COBL: variants seen among roughly 807,000 people sequenced by gnomAD.
COBL encodes cordon-bleu WH2 repeat protein, also known as protein cordon-bleu.
In COBL, 51 loss-of-function variants were observed where a neutral mutation model predicts 98.8. The ratio of observed to expected loss-of-function variants is 0.52; its 90% CI spans 0.41 to 0.65. The LOEUF (loss-of-function observed/expected upper bound fraction) is 0.65. Among genes scored for constraint, COBL ranks in the 30% least tolerant of loss-of-function variants. The pLI, the probability that COBL is intolerant of heterozygous loss-of-function variation, is 0.00. For missense variants in COBL, 1,617 were observed against 1,617.5 expected (o/e 1.00, Z 0.01); for synonymous variants, 634 against 651.7 (o/e 0.97, Z 0.41).
At chr7:51,207,454 T>C (rs893189312) in intron 2 of COBL, among the ~76,000 whole-genome samples, 5 of 152,162 alleles carry the variant, frequency 3.3e-5, no homozygotes, top group Non-Finnish European at 2.9e-5. Flanking sequence ...TCTCCCTCTC[T>C]TTCCACGGTC....
At chr7:51,311,731 A>T (rs1488001965) in intron 1 of COBL, among the ~76,000 whole-genome samples, 1 of 152,212 alleles carries the variant, frequency 6.6e-6, no homozygotes, top group Non-Finnish European at 1.5e-5. Context: ...GGAGATGGAA[A>T]CTAAAATTTA....
At chr7:51,058,760 C>A (rs1032479469) in intron 7 of COBL, among the ~76,000 whole-genome samples, 1 of 152,220 alleles carries the variant, frequency 6.6e-6, no homozygotes, top group Non-Finnish European at 1.5e-5. Flanking sequence ...CCTGACAGAG[C>A]ATGGACAGCC....
chr7:51,053,299 G>A (rs1790411768), intron 7 of COBL, among the ~76,000 whole-genome samples: 1 of 152,166 alleles, frequency 6.6e-6, no homozygotes, highest in Non-Finnish European at 1.5e-5. Flanking sequence ...GATGATAAGA[G>A]AGGAAAGGAG....
intron 11 of COBL, among the ~76,000 whole-genome samples, 154 bp downstream of exon 11, chr7:51,026,392 T>C (rs1294257197): frequency 6.6e-6 from 1 of 152,212 alleles, no homozygotes; most frequent in Non-Finnish European, 1.5e-5. Flanking sequence ...TCCACCCCAG[T>C]GTCTCACACA....
chr7:51,125,587 G>C (rs146846221), intron 6 of COBL, among the ~76,000 whole-genome samples: 2 of 152,106 alleles, frequency 1.3e-5, no homozygotes, highest in African/African-American at 4.8e-5. Context: ...TCATGGAGCC[G>C]GGCAATCACT....
At chr7:51,272,811 T>C (rs777995071) in intron 1 of COBL, among the ~76,000 whole-genome samples, 1 of 152,148 alleles carries the variant, frequency 6.6e-6, no homozygotes, top group Non-Finnish European at 1.5e-5. Context: ...AGACAAGCCA[T>C]TGGGCTAAGA....
chr7:51,079,993 T>A (rs2128933224), intron 7 of COBL, among the ~76,000 whole-genome samples: 1 of 152,312 alleles, frequency 6.6e-6, no homozygotes, highest in South Asian at 2.1e-4. Context: ...AGTTTCAGCA[T>A]CAAAATTGGA....
chr7:51,118,113 T>G (rs1266672508), intron 6 of COBL, among the ~76,000 whole-genome samples: 1 of 152,224 alleles, frequency 6.6e-6, no homozygotes, highest in Non-Finnish European at 1.5e-5. Flanking sequence ...TCTGGCCACA[T>G]AGTTCTGAAT....
chr7:51,018,174 G>A (rs79895915), intron 12 of COBL, among the ~76,000 whole-genome samples: 2 of 151,974 alleles, frequency 1.3e-5, no homozygotes, highest in South Asian at 2.1e-4. Flanking sequence ...CAGTGGTAAC[G>A]GTGGTTATGG....
At chr7:51,130,836 T>C (rs1429498035) in intron 6 of COBL, among the ~76,000 whole-genome samples, 1 of 152,262 alleles carries the variant, frequency 6.6e-6, no homozygotes, top group Non-Finnish European at 1.5e-5. Flanking sequence ...CTTCAAGTAA[T>C]AATGCTTTCC....
At chr7:51,223,546 C>T (rs531841005) in intron 1 of COBL, among the ~76,000 whole-genome samples, 8 of 152,322 alleles carry the variant, frequency 5.3e-5, no homozygotes, top group African/African-American at 1.4e-4. Context: ...TAGACCTGAA[C>T]CATTCTTCAA....
intron 5 of COBL, among the ~76,000 whole-genome samples, chr7:51,162,661 G>A (rs544717150): frequency 3.3e-5 from 5 of 152,336 alleles, no homozygotes; most frequent in Admixed American, 2.0e-4. Context: ...CATTTCCTAT[G>A]AGTGTCAGAT....
At chr7:51,134,467 T>C (rs1453488325) in intron 6 of COBL, among the ~76,000 whole-genome samples, 2 of 152,226 alleles carry the variant, frequency 1.3e-5, no homozygotes, top group African/African-American at 4.8e-5. Context: ...GCAGGCTTTA[T>C]CCACTGTGGG....
At position 51,028,602 on chromosome 7, in the gene COBL, C is replaced by T. The variant is rs757498778; in HGVS notation, c.2494G>A (p.Gly832Arg). Residue 832 changes from glycine (G) to arginine (R), a missense_variant, in exon 10 of 13, where the codon GGG becomes AGG. Gly to Arg is a moderately radical substitution (Grantham distance 125). Around this residue, in one of 3 missense-constraint regions of COBL, gnomAD observed 1,304 missense variants for 1,282.0 expected, o/e 1.02. Transcript: ENST00000265136. ...CCCATGGTGGGGGGCTGGTTTCTCC[C>T]CTCCCCTAGGGGGTTCCGGCCCTCA... ...HHEGRNPLGE[G>R]RNQPPTMGMG... 1 of 1,614,060 alleles carries T rather than the reference C, an allele frequency of 6.2e-7. No homozygotes were observed. The highest frequency in any genetic ancestry group is 8.5e-7 in the Non-Finnish European group (1 of 1,179,958).
chr7:51,301,143 C>T (rs540695566), intron 1 of COBL, among the ~76,000 whole-genome samples: 2 of 152,274 alleles, frequency 1.3e-5, no homozygotes, highest in African/African-American at 2.4e-5. Context: ...CCCCCTCCAC[C>T]GGCTCCCTCC....
intron 8 of COBL, among the ~76,000 whole-genome samples, chr7:51,036,284 C>T (rs1788624910): frequency 7.4e-6 from 1 of 135,406 alleles, no homozygotes; most frequent in South Asian, 2.3e-4. Context: ...ATGCAGTGAG[C>T]CAAGATCGCA....
At chr7:51,179,017 G>C (rs937734873) in intron 5 of COBL, among the ~76,000 whole-genome samples, 2 of 152,160 alleles carry the variant, frequency 1.3e-5, no homozygotes, top group Admixed American at 1.3e-4. Context: ...TTGAAATCAA[G>C]TGTTTCAAGC....
intron 7 of COBL, among the ~76,000 whole-genome samples, chr7:51,078,909 G>A (rs1437434168): frequency 6.6e-6 from 1 of 152,252 alleles, no homozygotes; most frequent in Non-Finnish European, 1.5e-5. Context: ...GCAGCTCACA[G>A]CGTGGTGGCT....
chr7:51,047,799 C>T (rs1297267348), intron 7 of COBL, among the ~76,000 whole-genome samples: 3 of 152,166 alleles, frequency 2.0e-5, no homozygotes, highest in Non-Finnish European at 4.4e-5. Flanking sequence ...GTTCTAGGCA[C>T]TTGGAAGAAA....
Sources: gnomAD v4.1 joint callset for allele counts (sites outside exome capture counted in the v4.1 genomes callset) on GRCh38, gnomAD v4.1.1 for gene constraint, gnomAD v4.1.1 regional missense constraint, MANE v1.5 for transcripts, NCBI Gene and HGNC (gene_info 2026-07-23, HGNC 2026-07-21) for gene names.